The following MYH14 variants were observed in gnomAD, a reference collection of about 807,000 sequenced individuals.
MYH14 encodes myosin heavy chain 14.
A neutral mutation model predicts 255.5 loss-of-function variants in MYH14; 123 were observed. The observed-to-expected ratio is 0.48, with a 90% CI of 0.42 to 0.56. The LOEUF (loss-of-function observed/expected upper bound fraction) is 0.56, where lower values mean the gene tolerates loss of function less well. Ranked by LOEUF, MYH14 falls within the 20% of genes least tolerant of loss-of-function variation. The probability of loss-of-function intolerance (pLI) is 0.00; values close to 1 mark genes in which losing one functional copy is unlikely to be tolerated. For synonymous variants in MYH14, 1,095 were observed against 1,161.2 expected, an observed-to-expected ratio of 0.94 and a Z score of 1.16; for missense variants, 2,423 against 2,802.3, an observed-to-expected ratio of 0.86 and a Z score of 3.06.
intron 27 of MYH14, among the ~76,000 whole-genome samples, chr19:50,275,277 A>G (rs906337430): frequency 2.6e-5 from 4 of 152,122 alleles, no homozygotes; most frequent in African/African-American, 9.7e-5. Context: ...TCTCTTTGCA[A>G]TGACGCTGTG....
At chr19:50,213,369 A>G (rs2032302138) in intron 2 of MYH14, among the ~76,000 whole-genome samples, 1 of 152,152 alleles carries the variant, frequency 6.6e-6, no homozygotes, top group Admixed American at 6.6e-5. Flanking sequence ...ATTTGAACAT[A>G]AGCCCCACAA....
intron 13 of MYH14, 85 bp downstream of exon 13, chr19:50,249,224 C>T (rs399532): frequency 7.0e-7 from 1 of 1,428,138 alleles, no homozygotes; most frequent in Non-Finnish European, 9.4e-7. Flanking sequence ...TCCCCTTCTC[C>T]CTGGTCTCTG....
intron 1 of MYH14, among the ~76,000 whole-genome samples, chr19:50,210,096 CAAAAAAAAAAAAA>C (rs71180680): frequency 4.5e-4 from 27 of 59,636 alleles, no homozygotes; most frequent in South Asian, 1.0e-3. Context: ...GACTCCGTCT[CAAAAAAAAAAAAA>C]AAAAAAAAAA....
rs2123501103 is a variant in MYH14, at chr19:50,310,140, A to T, written c.*350A>T. 3.1e-6 allele frequency: 1 copy of T among 320,682 alleles called. No homozygotes were observed. Among genetic ancestry groups the T allele is most frequent in the South Asian group, 3.6e-5 (1 of 27,572 alleles). 19.9% of individuals were successfully genotyped at this position (320,682 alleles called of 1,614,324 possible). On this transcript the variant is annotated 3_prime_UTR_variant, in exon 43 of 43. Coordinates refer to ENST00000642316, the MANE Select transcript of MYH14 (RefSeq NM_001145809.2). ...AAGGGAGTGAGACGGCTCCTCCACC[A>T]TCCTCAGCCAGTGCAACCCATTCCC...
chr19:50,260,829 G>GTT, intron 20 of MYH14, 114 bp downstream of exon 20: 1 of 773,926 alleles, frequency 1.3e-6, no homozygotes, highest in South Asian at 1.5e-5. Flanking sequence ...GCAAGTGTGT[G>GTT]TGCATGCACG....
Position 50,293,105 on chromosome 19 carries a change from C to T in MYH14, c.5257-128C>T, listed in dbSNP as rs1010899618. The T allele has an allele frequency of 9.8e-6, 7 of 713,732 alleles. No homozygotes were observed. Among genetic ancestry groups the T allele is most frequent in the African/African-American group, 5.3e-5 (3 of 56,854 alleles). The allele number at this position is 713,732 out of a possible 1,614,324, so 44.2% of individuals were successfully genotyped here. A position where few individuals can be genotyped will look rare whatever the true frequency, so the allele number is the denominator to read the frequency against. On this transcript the variant is annotated intron_variant, in intron 37 of 42. Coordinates refer to ENST00000642316, the MANE Select transcript of MYH14 (RefSeq NM_001145809.2). This position sits in a 1 kb window ranked among gnomAD's most constrained non-coding sequence, Gnocchi z 4.1. Reference sequence around the variant, plus strand: ...GACATCTGTAGGTTGCAGCTCATTCCAGGGTTACCCAGGGACAGCATGAGA... The same window carrying T: ...GACATCTGTAGGTTGCAGCTCATTCTAGGGTTACCCAGGGACAGCATGAGA...
chr19:50,292,282 C>T lies in MYH14; in HGVS notation c.5149C>T (p.Arg1717Trp), dbSNP rs761720529. 8.1e-6 allele frequency: 13 copies of T among 1,602,786 alleles called. No individual in the cohort carries two copies. In the East Asian group the frequency reaches 9.0e-5, roughly 11 times the overall value. The change falls in exon 37 of 43, where the codon CGG (arginine) becomes TGG (tryptophan). Residue 1717 changes from arginine (R) to tryptophan (W), a missense_variant. Transcript: ENST00000642316. ...CCAGGCCCAGATGAAGGAGCTATGG[C>T]GGGAGGTGGAGGAGACACGCACCTC... is the stretch of plus-strand genomic sequence containing the variant. The part of the protein sequence containing the change: ...KMQAQMKELW[R>W]EVEETRTSRE...
intron 10 of MYH14, 36 bp downstream of exon 10, chr19:50,232,106 A>G (rs369465910): frequency 1.2e-6 from 2 of 1,604,768 alleles, no homozygotes; most frequent in African/African-American, 1.3e-5. Flanking sequence ...GGTAGGGGGG[A>G]ACCCCACGGA....
At chr19:50,244,479 A>ATT (rs36011027) in intron 11 of MYH14, 142 bp downstream of exon 11, 824 of 437,148 alleles carry the variant, frequency 1.9e-3, no homozygotes, top group East Asian at 8.9e-3. Context: ...GATTTCCTGC[A>ATT]TTTTTTTTTT....
Position 50,257,630 on chromosome 19 carries a change from C to A in MYH14, c.2232+144C>A, listed in dbSNP as rs1031779774. ...AGCAAATTGCTTCTATTCCTAGGCTCAGGGTCCGGTTGGGAAAATTCATGC... is the reference window on the plus strand; with the variant it reads ...AGCAAATTGCTTCTATTCCTAGGCTAAGGGTCCGGTTGGGAAAATTCATGC... On this transcript the variant is annotated intron_variant, in intron 18 of 42. Coordinates refer to ENST00000642316, the MANE Select transcript of MYH14 (RefSeq NM_001145809.2). The A allele has an allele frequency of 3.6e-6, 3 of 830,124 alleles. No individual in the cohort carries two copies. The African/African-American group carries it at 5.0e-5, about 14-fold the overall frequency. The allele number at this position is 830,124 out of a possible 1,614,324, so 51.4% of individuals were successfully genotyped here.
At chr19:50,296,823 A>G (rs1361765884) in intron 39 of MYH14, among the ~76,000 whole-genome samples, 1 of 152,236 alleles carries the variant, frequency 6.6e-6, no homozygotes, top group African/African-American at 2.4e-5. Context: ...CAATGAGGAA[A>G]ATAATTGCAA....
At chr19:50,227,095 G>C in intron 8 of MYH14, 129 bp downstream of exon 8, 3 of 778,278 alleles carry the variant, frequency 3.9e-6, no homozygotes, top group Non-Finnish European at 6.7e-6. Context: ...ATGCTCAGGC[G>C]GCATCTGCAT....
chr19:50,237,383 T>G (rs1255492932), intron 10 of MYH14, among the ~76,000 whole-genome samples: 1 of 151,554 alleles, frequency 6.6e-6, no homozygotes, highest in Non-Finnish European at 1.5e-5. Flanking sequence ...TGGAGTGCAG[T>G]GGCACGATCT....
At chr19:50,227,010 C>G (rs780068821) in intron 8 of MYH14, 44 bp downstream of exon 8, 3 of 1,592,928 alleles carry the variant, frequency 1.9e-6, no homozygotes, top group Admixed American at 1.7e-5. Flanking sequence ...AGGGGGGCAG[C>G]CTTTCAGACA....
Position 50,249,084 on chromosome 19 carries a change from G to C in MYH14, c.1427G>C (p.Arg476Pro), listed in dbSNP as rs375694189. 6.2e-7 allele frequency: 1 copy of C among 1,604,360 alleles called. No homozygotes were observed. The highest frequency in any genetic ancestry group is 8.5e-7 in the Non-Finnish European group (1 of 1,175,832). The change falls in exon 13 of 43, where the codon CGC becomes CCC. Residue 476 changes from arginine (R) to proline (P), a missense_variant. Arg to Pro is a moderately radical substitution (Grantham distance 103). This residue lies in a region of MYH14 where 672 missense variants were observed against 881.8 expected (regional missense o/e 0.76). Coordinates refer to ENST00000642316, the MANE Select transcript of MYH14 (RefSeq NM_001145809.2). ...AACCGGGCCTTGGACCGCAGCCCCC[G>C]CCAAGGCGCCTCCTTCCTGGGCATC... ...RLNRALDRSP[R>P]QGASFLGILD...
rs558540961 is a variant in MYH14, at chr19:50,230,378, A to C, written c.875-147A>C. 2.4e-5 allele frequency: 16 copies of C among 675,128 alleles called. No homozygotes were observed. In the African/African-American group the frequency reaches 2.5e-4, roughly 10 times the overall value. 41.8% of individuals were successfully genotyped at this position (675,128 alleles called of 1,614,324 possible). On this transcript the variant is annotated intron_variant, in intron 8 of 42. Coordinates refer to ENST00000642316, the MANE Select transcript of MYH14 (RefSeq NM_001145809.2). The surrounding 1 kb of genome is among the most constrained non-coding windows in gnomAD (Gnocchi z 4.7). ...CATGAGCACGGCTGCTCTTCCAGTT[A>C]GTGGCAAAGTCACCAGCCTGGGCTG...
At chr19:50,210,096 C>CAAAAAAAAAAAAAAAAAAAAAAAAAAAAA (rs71180680) in intron 1 of MYH14, among the ~76,000 whole-genome samples, 1 of 59,602 alleles carries the variant, frequency 1.7e-5, no homozygotes, top group Non-Finnish European at 3.0e-5. Flanking sequence ...GACTCCGTCT[C>CAAAAAAAAAAAAAAAAAAAAAAAAAAAAA]AAAAAAAAAA....
chr19:50,248,913 C>A, intron 12 of MYH14, 74 bp from the exon 13 acceptor site: 2 of 1,550,654 alleles, frequency 1.3e-6, no homozygotes, highest in Non-Finnish European at 1.8e-6. Context: ...GGGGGCCCTT[C>A]CCCGGTTCAC....
intron 42 of MYH14, chr19:50,309,405 C>T: frequency 1.6e-6 from 1 of 617,032 alleles, no homozygotes; most frequent in Non-Finnish European, 2.9e-6. Context: ...CCACCGTGCA[C>T]CACCACCTTT....
Sources: gnomAD v4.1 joint callset for allele counts (sites outside exome capture counted in the v4.1 genomes callset) on GRCh38, gnomAD v4.1.1 for gene constraint, gnomAD v4.1.1 regional missense constraint, Gnocchi (gnomAD v3.1) non-coding constraint, MANE v1.5 for transcripts, NCBI Gene and HGNC (gene_info 2026-07-23, HGNC 2026-07-21) for gene names.